PCDHB1: variants seen among roughly 807,000 people sequenced by gnomAD.
PCDHB1 encodes protocadherin beta-1.
PCDHB1 carries 44 observed loss-of-function variants against 43.5 expected under a neutral mutation model. The ratio of observed to expected loss-of-function variants is 1.01; its 90% CI spans 0.79 to 1.30. The LOEUF is 1.30. Ranked by LOEUF, PCDHB1 falls within the 50% of genes most tolerant of loss-of-function variation. The probability of loss-of-function intolerance (pLI) is 0.00; values close to 1 mark genes in which losing one functional copy is unlikely to be tolerated. For missense variants in PCDHB1, 919 were observed against 1,008.9 expected (o/e 0.91, Z 1.21); for synonymous variants, 392 against 400.8 (o/e 0.98, Z 0.26).
chr5:141,055,369 A>C lies in PCDHB1; in HGVS notation c.*1442A>C, dbSNP rs559995234. ...AACCTGGGAGGTGGAGGTTGCAGTG[A>C]GCTGAGATTGTGCCACTGCACTCCA... On this transcript the variant is annotated 3_prime_UTR_variant, in exon 1 of 1. Coordinates refer to ENST00000306549, the MANE Select transcript of PCDHB1 (RefSeq NM_013340.4). 4.6e-4 allele frequency: 70 copies of C among 152,630 alleles called. No individual in the cohort carries two copies. Among genetic ancestry groups the C allele is most frequent in the African/African-American group, 1.6e-3 (68 of 41,590 alleles). The allele number at this position is 152,630 out of a possible 1,614,324, so 9.5% of individuals were successfully genotyped here.
In PCDHB1 at chr5:141,058,401, A is replaced by G. The variant is rs1751175861; in HGVS notation, c.*4474A>G. Reference sequence around the variant, plus strand: ...GAGGTAATGCATTATTGGGAAAAATACTGCAGAAATGATATTGTATCCTTT... The same window carrying G: ...GAGGTAATGCATTATTGGGAAAAATGCTGCAGAAATGATATTGTATCCTTT... On this transcript the variant is annotated 3_prime_UTR_variant, in exon 1 of 1. Coordinates refer to ENST00000306549, the MANE Select transcript of PCDHB1 (RefSeq NM_013340.4). 1 of 152,352 alleles carries G rather than the reference A, an allele frequency of 6.6e-6. No individual in the cohort carries two copies. The highest frequency in any genetic ancestry group is 2.1e-4 in the South Asian group (1 of 4,828). 9.4% of individuals were successfully genotyped at this position (152,352 alleles called of 1,614,324 possible).
rs1554267828 is a variant in PCDHB1 at position 141,056,485 on chromosome 5, G to C, written c.*2558G>C. The stretch of plus-strand genomic sequence containing the variant: ...TACATTGAGTTATGATTCCGATTTA[G>C]AGTAAAGGTTTTCTTGCACAAAACA... On this transcript the variant is annotated 3_prime_UTR_variant, in exon 1 of 1. Coordinates refer to ENST00000306549, the MANE Select transcript of PCDHB1 (RefSeq NM_013340.4). 1 of 152,182 alleles carries C rather than the reference G, an allele frequency of 6.6e-6. No individual in the cohort carries two copies. Among genetic ancestry groups the C allele is most frequent in the East Asian group, 1.9e-4 (1 of 5,202 alleles). 9.4% of individuals were successfully genotyped at this position (152,182 alleles called of 1,614,324 possible).
rs145782538 is a variant in PCDHB1 at position 141,053,459 on chromosome 5, G to A, written c.1989G>A (p.Leu663=). ...LSTTVSLNIL[L]VDGFSEPYLQ... is the part of the protein sequence containing the mutation. ...CTACTGTCTCACTCAACATCCTGCTGGTAGATGGCTTTTCAGAGCCCTACC... is the reference window on the plus strand; with the variant it reads ...CTACTGTCTCACTCAACATCCTGCTAGTAGATGGCTTTTCAGAGCCCTACC... The change falls in exon 1 of 1, where the codon CTG becomes CTA. Residue 663 remains leucine (L), a synonymous_variant. Transcript: ENST00000306549. The A allele has an allele frequency of 5.0e-6, 8 of 1,614,014 alleles. No individual in the cohort carries two copies. The African/African-American group carries it at 1.1e-4, about 22-fold the overall frequency.
rs1750967535 is a variant in PCDHB1 at position 141,051,552 on chromosome 5, G to A, written c.82G>A (p.Ala28Thr). ...LIFLCISVGD[A>T]TTIRYSVAEE... ...TTTTCTGTGCATATCTGTGGGGGATGCGACAACTATCCGCTATTCAGTGGC... is the reference window on the plus strand; with the variant it reads ...TTTTCTGTGCATATCTGTGGGGGATACGACAACTATCCGCTATTCAGTGGC... Residue 28 changes from alanine to threonine, a missense_variant, in exon 1 of 1, where the codon GCG becomes ACG. Ala to Thr is a moderately conservative substitution (Grantham distance 58). Transcript: ENST00000306549. 1 of 1,614,258 alleles carries A rather than the reference G, an allele frequency of 6.2e-7. No individual in the cohort carries two copies. Among genetic ancestry groups the A allele is most frequent in the Non-Finnish European group, 8.5e-7 (1 of 1,180,048 alleles).
chr5:141,052,881 A>G lies in PCDHB1; in HGVS notation c.1411A>G (p.Ile471Val). 1 of 1,614,186 alleles carries G rather than the reference A, an allele frequency of 6.2e-7. No homozygotes were observed. Among genetic ancestry groups the G allele is most frequent in the Non-Finnish European group, 8.5e-7 (1 of 1,180,042 alleles). ...VRENNSPAVF[I>V]GKVHAEDLDL... Reference sequence around the variant, plus strand: ...AGAAAACAACAGTCCTGCGGTTTTTATTGGCAAAGTCCATGCTGAGGATCT... The same window carrying G: ...AGAAAACAACAGTCCTGCGGTTTTTGTTGGCAAAGTCCATGCTGAGGATCT... Residue 471 changes from isoleucine to valine, a missense_variant, in exon 1 of 1, where the codon ATT becomes GTT. Transcript: ENST00000306549.
At position 141,052,988 on chromosome 5, in the gene PCDHB1, C is replaced by T. The variant is rs782702515; in HGVS notation, c.1518C>T (p.Ser506=). ...ATCTTTCAGTCTTTGCTTACATATC[C>T]ATAAATTCAGGCAATGGGAAGCTCT... ...NGDLSVFAYI[S]INSGNGKLYA... The change falls in exon 1 of 1, where the codon TCC becomes TCT. Residue 506 remains serine, a synonymous_variant. Coordinates refer to ENST00000306549, the MANE Select transcript of PCDHB1 (RefSeq NM_013340.4). 3.1e-6 allele frequency: 5 copies of T among 1,614,148 alleles called. No homozygotes were observed. In the South Asian group the frequency reaches 3.3e-5, roughly 11 times the overall value.
Position 141,052,099 on chromosome 5 carries a change from TGACAA to T in PCDHB1, c.630_634del (p.Leu210PhefsTer11). The stretch of plus-strand genomic sequence containing the variant: ...CGAGAGGAGCAGCCTGAAGTCAACT[TGACAA>T]TTACGGCGGTGGACGGCGGGTCCCC... On this transcript the variant is annotated frameshift_variant, in exon 1 of 1. Transcript: ENST00000306549. LOFTEE classifies it high-confidence loss of function. 1 of 1,613,988 alleles carries T rather than the reference TGACAA, an allele frequency of 6.2e-7. No individual in the cohort carries two copies. Among genetic ancestry groups the T allele is most frequent in the South Asian group, 1.1e-5 (1 of 91,072 alleles).
Position 141,052,828 on chromosome 5 carries a change from G to A in PCDHB1, c.1358G>A (p.Arg453Gln), listed in dbSNP as rs199588864. Reference protein sequence around the residue: ...SDVNDNPPIFREDSYILTVRE... With the variant: ...SDVNDNPPIFQEDSYILTVRE... ...GTTAATGACAATCCTCCAATATTTC[G>A]GGAAGATTCCTATATCTTGACTGTT... Residue 453 changes from arginine (R) to glutamine (Q), a missense_variant, in exon 1 of 1, where the codon CGG (arginine) becomes CAG (glutamine). Arg to Gln is a conservative substitution (Grantham distance 43). Coordinates refer to ENST00000306549, the MANE Select transcript of PCDHB1 (RefSeq NM_013340.4). 30 of 1,614,058 alleles carry A rather than the reference G, an allele frequency of 1.9e-5. No homozygotes were observed. In the Admixed American group the frequency reaches 4.5e-4, roughly 24 times the overall value.
chr5:141,051,596 C>T lies in PCDHB1; in HGVS notation c.126C>T (p.Gly42=). Residue 42 remains glycine (G), a synonymous_variant, in exon 1 of 1, where the codon GGC becomes GGT. Coordinates refer to ENST00000306549, the MANE Select transcript of PCDHB1 (RefSeq NM_013340.4). ...RYSVAEEMES[G]SFVANVAKDL... ...CAGTGGCAGAGGAAATGGAGAGCGG[C>T]TCGTTTGTGGCCAACGTAGCTAAGG... is the stretch of plus-strand genomic sequence containing the variant. The T allele has an allele frequency of 6.2e-7, 1 of 1,614,248 alleles. No individual in the cohort carries two copies.
chr5:141,055,372 T>C lies in PCDHB1; in HGVS notation c.*1445T>C. 1 of 152,516 alleles carries C rather than the reference T, an allele frequency of 6.6e-6. No homozygotes were observed. The highest frequency in any genetic ancestry group is 1.5e-5 in the Non-Finnish European group (1 of 68,242). 9.4% of individuals were successfully genotyped at this position (152,516 alleles called of 1,614,324 possible). On this transcript the variant is annotated 3_prime_UTR_variant, in exon 1 of 1. Coordinates refer to ENST00000306549, the MANE Select transcript of PCDHB1 (RefSeq NM_013340.4). ...CTGGGAGGTGGAGGTTGCAGTGAGCTGAGATTGTGCCACTGCACTCCAGCC... is the reference window on the plus strand; with the variant it reads ...CTGGGAGGTGGAGGTTGCAGTGAGCCGAGATTGTGCCACTGCACTCCAGCC...
At position 141,051,654 on chromosome 5, in the gene PCDHB1, C is replaced by A. The variant is rs887190573; in HGVS notation, c.184C>A (p.Arg62Ser). 2 of 1,614,120 alleles carry A rather than the reference C, an allele frequency of 1.2e-6. No homozygotes were observed. The highest frequency in any genetic ancestry group is 1.3e-5 in the African/African-American group (1 of 74,948). The change falls in exon 1 of 1, where the codon CGC (arginine) becomes AGC (serine). Residue 62 changes from arginine to serine, a missense_variant. Arg to Ser is a moderately radical substitution (Grantham distance 110). Transcript: ENST00000306549. ...LGLEVGKLAA[R>S]GARLVSEGNK... ...ACTGGAGGTAGGGAAGCTGGCTGCG[C>A]GCGGGGCGCGGCTGGTTTCCGAGGG...
chr5:141,053,120 G>C lies in PCDHB1; in HGVS notation c.1650G>C (p.Val550=), dbSNP rs890202647. ...TGAGTAGCCAAGTTACTGTCAGAGT[G>C]GTTGTCCTAGATGACAATGACAATC... ...LSLSSQVTVR[V]VVLDDNDNRP... is the part of the protein sequence containing the mutation. Residue 550 remains valine, a synonymous_variant, in exon 1 of 1, where the codon GTG becomes GTC. Coordinates refer to ENST00000306549, the MANE Select transcript of PCDHB1 (RefSeq NM_013340.4). 1.2e-6 allele frequency: 2 copies of C among 1,614,202 alleles called. No homozygotes were observed. Among genetic ancestry groups the C allele is most frequent in the Admixed American group, 1.7e-5 (1 of 60,038 alleles).
In PCDHB1 at chr5:141,053,765, T is replaced by C; in HGVS notation, c.2295T>C (p.Asn765=). ...TGTGTTCAGCCACTGGCACTGGTAA[T>C]AGTGAGTTTCGCTTTCTTAAGCGTT... is the stretch of plus-strand genomic sequence containing the variant. ...YEMCSATGTG[N]SEFRFLKRFM... The change falls in exon 1 of 1, where the codon AAT becomes AAC. Residue 765 remains asparagine (N), a synonymous_variant. Coordinates refer to ENST00000306549, the MANE Select transcript of PCDHB1 (RefSeq NM_013340.4). 6.2e-7 allele frequency: 1 copy of C among 1,614,174 alleles called. No homozygotes were observed. Among genetic ancestry groups the C allele is most frequent in the Non-Finnish European group, 8.5e-7 (1 of 1,180,016 alleles).
rs1751068983 is a variant in PCDHB1, at chr5:141,054,020, T to C, written c.*93T>C. The C allele has an allele frequency of 1.9e-6, 2 of 1,032,178 alleles. No individual in the cohort carries two copies. The highest frequency in any genetic ancestry group is 2.8e-6 in the Non-Finnish European group (2 of 705,482). The allele number at this position is 1,032,178 out of a possible 1,614,324, so 63.9% of individuals were successfully genotyped here. A position where few individuals can be genotyped will look rare whatever the true frequency, so the allele number is the denominator to read the frequency against. On this transcript the variant is annotated 3_prime_UTR_variant, in exon 1 of 1. Transcript: ENST00000306549. ...TCCTCATTAAAACAAAAACTGGTAG[T>C]AGATTGCAGCTTTAGTAAAGATAAG...
rs1750979253 is a variant in PCDHB1, at chr5:141,051,801, G to T, written c.331G>T (p.Val111Leu). 6.2e-7 allele frequency: 1 copy of T among 1,614,130 alleles called. No individual in the cohort carries two copies. Among genetic ancestry groups the T allele is most frequent in the South Asian group, 1.1e-5 (1 of 91,092 alleles). The change falls in exon 1 of 1, where the codon GTG (valine) becomes TTG (leucine). Residue 111 changes from valine (V) to leucine (L), a missense_variant. By Grantham distance (32) the Val-to-Leu change is conservative (BLOSUM62 1). Coordinates refer to ENST00000306549, the MANE Select transcript of PCDHB1 (RefSeq NM_013340.4). ...TGTTCTGCACTTTGAAGTAGTCCTG[G>T]TGGAGCCGCTGCAGTCCTTCCGGGC... The part of the protein sequence containing the change: ...PCVLHFEVVL[V>L]EPLQSFRAEV...
In PCDHB1 at chr5:141,052,896, G is replaced by C; in HGVS notation, c.1426G>C (p.Ala476Pro). Reference protein sequence around the residue: ...SPAVFIGKVHAEDLDLGENAQ... With the variant: ...SPAVFIGKVHPEDLDLGENAQ... ...TGCGGTTTTTATTGGCAAAGTCCAT[G>C]CTGAGGATCTTGATTTGGGTGAGAA... The change falls in exon 1 of 1, where the codon GCT (alanine) becomes CCT (proline). Residue 476 changes from alanine to proline, a missense_variant. Coordinates refer to ENST00000306549, the MANE Select transcript of PCDHB1 (RefSeq NM_013340.4). 6.2e-7 allele frequency: 1 copy of C among 1,614,190 alleles called. No individual in the cohort carries two copies. Among genetic ancestry groups the C allele is most frequent in the South Asian group, 1.1e-5 (1 of 91,074 alleles).
rs782804204 is a variant in PCDHB1, at chr5:141,051,481, C to A, written c.11C>A (p.Thr4Lys). 2.5e-6 allele frequency: 4 copies of A among 1,613,836 alleles called. No individual in the cohort carries two copies. The Admixed American group carries it at 6.7e-5, about 27-fold the overall frequency. Residue 4 changes from threonine (T) to lysine (K), a missense_variant, in exon 1 of 1, where the codon ACG becomes AAG. Transcript: ENST00000306549. ...CGCTTGTGAGAACTGATGGCGGGTA[C>A]GCGCAGAAAATCTTTGCAAAACAGG... is the stretch of plus-strand genomic sequence containing the variant. MAG[T>K]RRKSLQNRQV...
In PCDHB1 at chr5:141,052,536, C is replaced by T. The variant is rs1336936506; in HGVS notation, c.1066C>T (p.Leu356Phe). The stretch of plus-strand genomic sequence containing the variant: ...GATGGTCTCCTCTGTGTCCAGCCCA[C>T]TCCCTGAAGACTCACCACCACAGAC... Reference protein sequence around the residue: ...EVMVSSVSSPLPEDSPPQTVV... With the variant: ...EVMVSSVSSPFPEDSPPQTVV... Residue 356 changes from leucine to phenylalanine, a missense_variant, in exon 1 of 1, where the codon CTC becomes TTC. Leu to Phe is a conservative substitution (Grantham distance 22). Coordinates refer to ENST00000306549, the MANE Select transcript of PCDHB1 (RefSeq NM_013340.4). The T allele has an allele frequency of 3.1e-6, 5 of 1,614,184 alleles. No homozygotes were observed. Among genetic ancestry groups the T allele is most frequent in the Middle Eastern group, 1.6e-4 (1 of 6,062 alleles).
At position 141,051,595 on chromosome 5, in the gene PCDHB1, G is replaced by C. The variant is rs140398806; in HGVS notation, c.125G>C (p.Gly42Ala). 1 of 1,614,250 alleles carries C rather than the reference G, an allele frequency of 6.2e-7. No individual in the cohort carries two copies. Among genetic ancestry groups the C allele is most frequent in the Admixed American group, 1.7e-5 (1 of 60,028 alleles). Reference protein sequence around the residue: ...RYSVAEEMESGSFVANVAKDL... With the variant: ...RYSVAEEMESASFVANVAKDL... ...TCAGTGGCAGAGGAAATGGAGAGCG[G>C]CTCGTTTGTGGCCAACGTAGCTAAG... The change falls in exon 1 of 1, where the codon GGC becomes GCC. Residue 42 changes from glycine to alanine, a missense_variant. Coordinates refer to ENST00000306549, the MANE Select transcript of PCDHB1 (RefSeq NM_013340.4).
Sources: gnomAD v4.1 joint callset for allele counts on GRCh38, gnomAD v4.1.1 for gene constraint, MANE v1.5 for transcripts, NCBI Gene and HGNC (gene_info 2026-07-23, HGNC 2026-07-21) for gene names.